The following FAM220A variants were observed in gnomAD, a reference collection of about 807,000 sequenced individuals.
The protein encoded by FAM220A is protein FAM220A.
For missense variants in FAM220A, 392 were observed against 321.6 expected (o/e 1.22, Z -1.68); for synonymous variants, 141 against 130.7 (o/e 1.08, Z -0.54).
chr7:6,337,152 G>A (rs927054737), intron 1 of FAM220A, among the ~76,000 whole-genome samples: 3 of 151,540 alleles, frequency 2.0e-5, no homozygotes, highest in South Asian at 2.1e-4. Flanking sequence ...GCTCACTGCA[G>A]CCTCTGCTTC....
At chr7:6,334,940 G>A (rs1324504721) in intron 1 of FAM220A, among the ~76,000 whole-genome samples, 3 of 147,702 alleles carry the variant, frequency 2.0e-5, no homozygotes. Flanking sequence ...GGCCAATTTT[G>A]TATTTTTAAT....
intron 1 of FAM220A, among the ~76,000 whole-genome samples, chr7:6,348,089 T>C (rs796498205): frequency 2.0e-5 from 3 of 151,542 alleles, no homozygotes; most frequent in East Asian, 1.9e-4. Flanking sequence ...TCTGTATTTT[T>C]AGTAGAGACG....
chr7:6,347,115 C>A (rs540727895), intron 1 of FAM220A, among the ~76,000 whole-genome samples: 2 of 152,186 alleles, frequency 1.3e-5, no homozygotes, highest in African/African-American at 4.8e-5. Flanking sequence ...TCACTTGAGG[C>A]CAGAAGTTCA....
At position 6,330,456 on chromosome 7, in the gene FAM220A, G is replaced by A. The variant is rs1781607079; in HGVS notation, c.699C>T (p.Ser233=). Residue 233 remains serine, a synonymous_variant, in exon 2 of 2, where the codon AGC becomes AGT. Transcript: ENST00000313324. ...QTIEFKKMLK[S]TSDGLQITLG... is the part of the protein sequence containing the mutation. Reference sequence around the variant, plus strand: ...GTGTTATCTGCAGACCATCTGAGGTGCTTTTAAGCATTTTCTTGAATTCTA... The same window carrying A: ...GTGTTATCTGCAGACCATCTGAGGTACTTTTAAGCATTTTCTTGAATTCTA... 1.9e-6 allele frequency: 3 copies of A among 1,614,164 alleles called. No homozygotes were observed. Among genetic ancestry groups the A allele is most frequent in the Non-Finnish European group, 2.5e-6 (3 of 1,180,034 alleles).
rs575169976 is a variant in FAM220A, at chr7:6,335,361, T to A, written c.-81-4126A>T. Among the ~76,000 whole-genome samples, 12 of 152,092 alleles carry A rather than the reference T, an allele frequency of 7.9e-5. No individual in the cohort carries two copies. In the East Asian group the frequency reaches 2.3e-3, roughly 29 times the overall value. ...CCTCAACCTCCTGAGTAGCTGTGAT[T>A]ACAAGCGCCCGCCACCACGCCTGGC... On this transcript the variant is annotated intron_variant, in intron 1 of 1. Coordinates refer to ENST00000313324, the MANE Select transcript of FAM220A (RefSeq NM_001037163.2).
At position 6,348,804 on chromosome 7, in the gene FAM220A, C is replaced by T. The variant is rs1052616782; in HGVS notation, c.-313G>A. The T allele has an allele frequency of 7.6e-6, 3 of 396,108 alleles. No individual in the cohort carries two copies. Among genetic ancestry groups the T allele is most frequent in the African/African-American group, 6.2e-5 (3 of 48,578 alleles). 24.5% of individuals were successfully genotyped at this position (396,108 alleles called of 1,614,324 possible). A position where few individuals can be genotyped will look rare whatever the true frequency, so the allele number is the denominator to read the frequency against. On this transcript the variant is annotated 5_prime_UTR_variant, in exon 1 of 2. Transcript: ENST00000313324. ...AGCCCCCCCGCCCGCCCTCTCCGCG[C>T]CGCGTCGCCCCGGCAGCTGACCCTC...
At chr7:6,336,087 C>G (rs955572764) in intron 1 of FAM220A, among the ~76,000 whole-genome samples, 2 of 150,774 alleles carry the variant, frequency 1.3e-5, no homozygotes, top group African/African-American at 2.4e-5. Flanking sequence ...GCAGGACAAT[C>G]GTTTGAACCT....
At chr7:6,336,768 C>T (rs1781756635) in intron 1 of FAM220A, among the ~76,000 whole-genome samples, 1 of 151,534 alleles carries the variant, frequency 6.6e-6, no homozygotes, top group African/African-American at 2.4e-5. Flanking sequence ...CATCACCTCA[C>T]CTTAGCCTCC....
intron 1 of FAM220A, among the ~76,000 whole-genome samples, chr7:6,337,269 C>T (rs1781766162): frequency 6.6e-6 from 1 of 151,998 alleles, no homozygotes; most frequent in South Asian, 2.1e-4. Flanking sequence ...CCCTTTGGGA[C>T]TAGCCTTGCC....
chr7:6,332,137 A>G (rs1781649917), intron 1 of FAM220A, among the ~76,000 whole-genome samples: 1 of 151,916 alleles, frequency 6.6e-6, no homozygotes, highest in East Asian at 1.9e-4. Context: ...AAAATTGCGA[A>G]AAGGCTTTGA....
chr7:6,336,469 T>A lies in FAM220A; in HGVS notation c.-81-5234A>T, dbSNP rs956351084. Among the ~76,000 whole-genome samples, 4 of 151,784 alleles carry A rather than the reference T, an allele frequency of 2.6e-5. No homozygotes were observed. The East Asian group carries it at 5.8e-4, about 22-fold the overall frequency. ...GCCATGGCAGGCAGATCTCTTGAGGTCAGGAGTTTGAGACCAGCCTGGCCA... is the reference window on the plus strand; with the variant it reads ...GCCATGGCAGGCAGATCTCTTGAGGACAGGAGTTTGAGACCAGCCTGGCCA... On this transcript the variant is annotated intron_variant, in intron 1 of 1. Coordinates refer to ENST00000313324, the MANE Select transcript of FAM220A (RefSeq NM_001037163.2).
intron 1 of FAM220A, among the ~76,000 whole-genome samples, chr7:6,334,082 G>A (rs749979401): frequency 2.1e-4 from 31 of 151,058 alleles, no homozygotes; most frequent in East Asian, 1.4e-3. Context: ...TCCTGACCTC[G>A]TGATCCGCCC....
intron 1 of FAM220A, among the ~76,000 whole-genome samples, chr7:6,347,245 T>G (rs1247748058): frequency 6.6e-6 from 1 of 152,222 alleles, no homozygotes; most frequent in African/African-American, 2.4e-5. Flanking sequence ...CTGGGCGCTG[T>G]GGCTGACGCC....
chr7:6,341,687 C>CA (rs536695454), intron 1 of FAM220A, among the ~76,000 whole-genome samples: 2,202 of 110,654 alleles, frequency 0.02, 30 homozygotes, highest in East Asian at 0.1. Flanking sequence ...AAGACTCTGT[C>CA]AAAAAAAAAA....
chr7:6,336,497 A>G (rs780476743), intron 1 of FAM220A, among the ~76,000 whole-genome samples: 1 of 152,130 alleles, frequency 6.6e-6, no homozygotes, highest in African/African-American at 2.4e-5. Flanking sequence ...CCTGGCCAAC[A>G]CAGGGAAACC....
At chr7:6,345,662 G>A (rs1311548979) in intron 1 of FAM220A, among the ~76,000 whole-genome samples, 3 of 152,158 alleles carry the variant, frequency 2.0e-5, no homozygotes, top group South Asian at 4.1e-4. Flanking sequence ...TGCAAATTAC[G>A]TTACTCTAGA....
chr7:6,343,942 G>A (rs1781912648), intron 1 of FAM220A, among the ~76,000 whole-genome samples: 2 of 152,132 alleles, frequency 1.3e-5, no homozygotes, highest in African/African-American at 4.8e-5. Context: ...CTGGAGAGCA[G>A]TGGTGGGATC....
In FAM220A at chr7:6,348,693, C is replaced by A. The variant is rs1365813514; in HGVS notation, c.-202G>T. ...TGCGAGTCAGCCCCTTGCAGAAGAC[C>A]CCATAGGAGCGGGCGGCGGCCGAGC... On this transcript the variant is annotated 5_prime_UTR_variant, in exon 1 of 2. Transcript: ENST00000313324. The A allele has an allele frequency of 6.7e-6, 3 of 450,850 alleles. No individual in the cohort carries two copies. Among genetic ancestry groups the A allele is most frequent in the African/African-American group, 6.1e-5 (3 of 49,436 alleles). 27.9% of individuals were successfully genotyped at this position (450,850 alleles called of 1,614,324 possible). A position where few individuals can be genotyped will look rare whatever the true frequency, so the allele number is the denominator to read the frequency against.
chr7:6,345,580 C>A (rs1235803911), intron 1 of FAM220A, among the ~76,000 whole-genome samples: 1 of 151,990 alleles, frequency 6.6e-6, no homozygotes, highest in East Asian at 1.9e-4. Context: ...AAAGAGCATA[C>A]CAATTTTCAC....
Sources: allele counts gnomAD v4.1 joint callset (sites outside exome capture counted in the v4.1 genomes callset), GRCh38; gene constraint gnomAD v4.1.1; transcripts MANE v1.5; gene names NCBI Gene and HGNC (gene_info 2026-07-23, HGNC 2026-07-21).